ASCC1: variants seen among roughly 807,000 people sequenced by gnomAD.
The protein encoded by ASCC1 is ASC-1 complex subunit P50.
In ASCC1, 35 loss-of-function variants were observed where a neutral mutation model predicts 46.6. That is an observed-to-expected ratio of 0.75 (90% CI 0.57 to 0.99). The LOEUF is 0.99. ASCC1 is among the 50% of genes least tolerant of loss of function. ASCC1 has a pLI of 0.00. For synonymous variants in ASCC1, 143 were observed against 146.6 expected (o/e 0.98, Z 0.18); for missense variants, 376 against 428.7 (o/e 0.88, Z 1.09).
chr10:72,107,564 T>G (rs1842479486), intron 9 of ASCC1, among the ~76,000 whole-genome samples: 1 of 152,230 alleles, frequency 6.6e-6, no homozygotes, highest in Non-Finnish European at 1.5e-5. Flanking sequence ...GGATTCTTTC[T>G]AAACATCATC....
intron 2 of ASCC1, 104 bp from the exon 3 acceptor site, chr10:72,210,935 A>C: frequency 1.0e-6 from 1 of 989,692 alleles, no homozygotes; most frequent in Non-Finnish European, 1.6e-6. Flanking sequence ...AAAGCAATAC[A>C]CAGGCATAAA....
chr10:72,101,715 T>G (rs1443951818), intron 9 of ASCC1, among the ~76,000 whole-genome samples: 1 of 151,860 alleles, frequency 6.6e-6, no homozygotes, highest in Admixed American at 6.6e-5. Context: ...GAAAACCATG[T>G]TTTAGGGAGA....
At chr10:72,127,301 G>A (rs1844978474) in intron 9 of ASCC1, among the ~76,000 whole-genome samples, 1 of 152,172 alleles carries the variant, frequency 6.6e-6, no homozygotes, top group Non-Finnish European at 1.5e-5. Flanking sequence ...CTAACCTGAT[G>A]GAGAAGGCAT....
chr10:72,103,049 ACAG>A (rs1393872182), intron 9 of ASCC1: 1 of 405,068 alleles, frequency 2.5e-6, no homozygotes, highest in African/African-American at 2.1e-5. Context: ...AAAGATGACA[ACAG>A]CCAACATTTA....
intron 5 of ASCC1, among the ~76,000 whole-genome samples, chr10:72,165,175 T>C (rs1190548461): frequency 6.6e-6 from 1 of 152,156 alleles, no homozygotes; most frequent in Non-Finnish European, 1.5e-5. Context: ...AGTACGATGG[T>C]GCAATCTTGG....
chr10:72,190,494 A>G (rs983093106), intron 5 of ASCC1: 13 of 1,595,838 alleles, frequency 8.1e-6, no homozygotes, highest in African/African-American at 8.0e-5. Context: ...GGAAAGGGCC[A>G]TAAGTTCCAC....
Position 72,203,434 on chromosome 10 carries a change from C to A in ASCC1, c.303G>T (p.Gly101=). The A allele has an allele frequency of 6.2e-7, 1 of 1,612,088 alleles. No individual in the cohort carries two copies. The highest frequency in any genetic ancestry group is 2.2e-5 in the East Asian group (1 of 44,866). Residue 101 remains glycine, a synonymous_variant, in exon 4 of 10, where the codon GGG becomes GGT. Coordinates refer to ENST00000672957, the MANE Select transcript of ASCC1 (RefSeq NM_001198800.3). The part of the protein sequence containing the change: ...SISIPKPGQD[G]EIVITGQHRN... ...ATATCTACTGAGTCTCACCAATTTC[C>A]CCGTCTTGTCCAGGTTTAGGAATGC...
At chr10:72,159,903 CTT>C (rs900754769) in intron 6 of ASCC1, among the ~76,000 whole-genome samples, 13 of 129,898 alleles carry the variant, frequency 1.0e-4, no homozygotes, top group Admixed American at 2.3e-4. Context: ...TACACAGTTT[CTT>C]TTTTTTTTTT....
At chr10:72,155,981 A>G (rs1848909881) in intron 6 of ASCC1, among the ~76,000 whole-genome samples, 1 of 152,240 alleles carries the variant, frequency 6.6e-6, no homozygotes, top group Admixed American at 6.5e-5. Flanking sequence ...GACAATTTTG[A>G]GAAGAATATG....
intron 5 of ASCC1, among the ~76,000 whole-genome samples, chr10:72,183,404 C>T (rs1852946554): frequency 6.6e-6 from 1 of 152,076 alleles, no homozygotes; most frequent in Admixed American, 6.5e-5. Flanking sequence ...ACCTGCCATC[C>T]CAGCACTTTG....
chr10:72,186,170 T>C (rs925996303), intron 5 of ASCC1, among the ~76,000 whole-genome samples: 2 of 146,016 alleles, frequency 1.4e-5, no homozygotes, highest in African/African-American at 5.1e-5. Flanking sequence ...ACTGTTTTTG[T>C]TTTTTTTTTG....
chr10:72,166,800 G>C (rs1282000517), intron 5 of ASCC1, among the ~76,000 whole-genome samples: 1 of 152,092 alleles, frequency 6.6e-6, no homozygotes, highest in Non-Finnish European at 1.5e-5. Flanking sequence ...TTTTCCCAAA[G>C]AGGATATACT....
At chr10:72,206,352 C>T (rs550606422) in intron 3 of ASCC1, among the ~76,000 whole-genome samples, 7 of 151,048 alleles carry the variant, frequency 4.6e-5, no homozygotes, top group Admixed American at 2.0e-4. Context: ...TGTGGTGAGC[C>T]GAGATCATGC....
At chr10:72,099,047 A>G (rs1421413690) in intron 9 of ASCC1, among the ~76,000 whole-genome samples, 3 of 152,244 alleles carry the variant, frequency 2.0e-5, no homozygotes, top group Admixed American at 1.3e-4. Context: ...AGAAGCAATA[A>G]AAGACAATAC....
intron 6 of ASCC1, among the ~76,000 whole-genome samples, chr10:72,158,592 T>C (rs554613569): frequency 6.6e-6 from 1 of 152,360 alleles, no homozygotes; most frequent in Admixed American, 6.5e-5. Flanking sequence ...GTTTTTGGTC[T>C]CATAGCATCC....
intron 5 of ASCC1, among the ~76,000 whole-genome samples, chr10:72,194,782 GC>G: frequency 6.6e-6 from 1 of 152,220 alleles, no homozygotes; most frequent in South Asian, 2.1e-4. Flanking sequence ...CGCTCTTGTT[GC>G]CCAGGCTGGA....
chr10:72,214,740 G>GA (rs1045692640), intron 1 of ASCC1, among the ~76,000 whole-genome samples: 22 of 146,290 alleles, frequency 1.5e-4, no homozygotes, highest in Admixed American at 4.8e-4. Context: ...TAACCATCCA[G>GA]AAAAAAAAAA....
At chr10:72,161,427 A>T in intron 6 of ASCC1, 111 bp downstream of exon 6, 1 of 1,404,286 alleles carries the variant, frequency 7.1e-7, no homozygotes, top group Non-Finnish European at 1.0e-6. Flanking sequence ...CCATCAAATC[A>T]CATGAGTCCT....
At chr10:72,215,235 C>T (rs1339393352) in intron 1 of ASCC1, among the ~76,000 whole-genome samples, 2 of 152,146 alleles carry the variant, frequency 1.3e-5, no homozygotes, top group Non-Finnish European at 2.9e-5. Context: ...CCCGTCTCTA[C>T]TGAAAATACA....
Sources: allele counts gnomAD v4.1 joint callset (sites outside exome capture counted in the v4.1 genomes callset), GRCh38; gene constraint gnomAD v4.1.1; transcripts MANE v1.5; gene names NCBI Gene and HGNC (gene_info 2026-07-23, HGNC 2026-07-21).